The following IMMP2L variants were observed in gnomAD, a reference collection of about 807,000 sequenced individuals.
IMMP2L encodes inner mitochondrial membrane peptidase subunit 2.
Under a neutral mutation model 19.3 loss-of-function variants are expected in IMMP2L, and 18 were observed. The ratio of observed to expected loss-of-function variants is 0.93; its 90% CI spans 0.64 to 1.38. The LOEUF (loss-of-function observed/expected upper bound fraction) is 1.38, where lower values mean the gene tolerates loss of function less well. Among genes scored for constraint, IMMP2L ranks in the 40% most tolerant of loss-of-function variants. The pLI is 0.00. For missense variants in IMMP2L, 233 were observed against 218.2 expected, an observed-to-expected ratio of 1.07 and a Z score of -0.43; for synonymous variants, 76 against 73.0, an observed-to-expected ratio of 1.04 and a Z score of -0.21.
intron 3 of IMMP2L, among the ~76,000 whole-genome samples, chr7:111,467,539 T>C (rs943164064): frequency 7.9e-5 from 12 of 152,152 alleles, no homozygotes; most frequent in Admixed American, 3.3e-4. Flanking sequence ...GGTATGTATA[T>C]TGAAAACAAT....
At chr7:111,322,966 C>T (rs1370167318) in intron 3 of IMMP2L, among the ~76,000 whole-genome samples, 1 of 151,396 alleles carries the variant, frequency 6.6e-6, no homozygotes, top group Non-Finnish European at 1.5e-5. Flanking sequence ...GGTGAATGCA[C>T]CTTTGTTTTA....
At chr7:111,349,356 C>G (rs1415246538) in intron 3 of IMMP2L, among the ~76,000 whole-genome samples, 4 of 152,050 alleles carry the variant, frequency 2.6e-5, no homozygotes, top group Non-Finnish European at 4.4e-5. Context: ...ATTGTTTCCA[C>G]TCCCCCAAGA....
chr7:111,237,236 G>C (rs1814437787), intron 3 of IMMP2L, among the ~76,000 whole-genome samples: 1 of 152,002 alleles, frequency 6.6e-6, no homozygotes. Flanking sequence ...AATTAGAAAA[G>C]ATAATTCAGT....
intron 3 of IMMP2L, among the ~76,000 whole-genome samples, chr7:111,362,435 T>G (rs1198192388): frequency 6.6e-6 from 1 of 152,096 alleles, no homozygotes; most frequent in Non-Finnish European, 1.5e-5. Flanking sequence ...GGCCTCTGAA[T>G]GAATGTTACT....
intron 3 of IMMP2L, among the ~76,000 whole-genome samples, chr7:111,206,860 A>G (rs1810764688): frequency 6.6e-6 from 1 of 152,188 alleles, no homozygotes; most frequent in African/African-American, 2.4e-5. Flanking sequence ...AATAAGCCTC[A>G]TCAGGGGAGA....
At chr7:111,390,106 A>C (rs1351272207) in intron 3 of IMMP2L, among the ~76,000 whole-genome samples, 2 of 152,152 alleles carry the variant, frequency 1.3e-5, no homozygotes, top group Non-Finnish European at 2.9e-5. Flanking sequence ...CTCATGGCCC[A>C]TATATGGGCA....
intron 3 of IMMP2L, among the ~76,000 whole-genome samples, chr7:111,382,232 A>G (rs1038591090): frequency 2.6e-5 from 4 of 152,044 alleles, no homozygotes; most frequent in Non-Finnish European, 4.4e-5. Flanking sequence ...AAAAATTCAT[A>G]AAGAGTAGAA....
intron 2 of IMMP2L, among the ~76,000 whole-genome samples, chr7:111,502,201 C>T (rs1344446097): frequency 6.6e-6 from 1 of 151,774 alleles, no homozygotes; most frequent in Non-Finnish European, 1.5e-5. Context: ...TTTAAACCAA[C>T]AAAGATCAAA....
chr7:111,102,202 C>A (rs1397808177), intron 3 of IMMP2L, among the ~76,000 whole-genome samples: 1 of 151,504 alleles, frequency 6.6e-6, no homozygotes, highest in Non-Finnish European at 1.5e-5. Flanking sequence ...CCAGGTGATT[C>A]AATCCTTACC....
intron 3 of IMMP2L, among the ~76,000 whole-genome samples, chr7:111,144,877 T>C (rs1803301876): frequency 1.3e-5 from 2 of 152,154 alleles, no homozygotes; most frequent in Non-Finnish European, 2.9e-5. Flanking sequence ...TCATTAAATA[T>C]ATAAATACAA....
At chr7:110,857,135 A>G (rs1269623102) in intron 5 of IMMP2L, among the ~76,000 whole-genome samples, 2 of 152,038 alleles carry the variant, frequency 1.3e-5, no homozygotes, top group African/African-American at 4.8e-5. Context: ...TTCTCTAAGG[A>G]TTTTCAAACA....
At chr7:110,726,919 G>A (rs1481684667) in intron 5 of IMMP2L, among the ~76,000 whole-genome samples, 1 of 152,180 alleles carries the variant, frequency 6.6e-6, no homozygotes, top group East Asian at 1.9e-4. Flanking sequence ...GAGTCAGAAT[G>A]GGGTCACATC....
chr7:111,227,851 G>A (rs1398017703), intron 3 of IMMP2L, among the ~76,000 whole-genome samples: 1 of 152,072 alleles, frequency 6.6e-6, no homozygotes, highest in Non-Finnish European at 1.5e-5. Flanking sequence ...CCATTTTAAA[G>A]TTAATCCAGA....
chr7:111,352,400 G>T (rs1382117540), intron 3 of IMMP2L, among the ~76,000 whole-genome samples: 25 of 148,366 alleles, frequency 1.7e-4, no homozygotes, highest in South Asian at 4.3e-4. Context: ...ATAGAGATGG[G>T]GTATCACTGT....
intron 4 of IMMP2L, among the ~76,000 whole-genome samples, chr7:110,949,793 T>C (rs1328783267): frequency 2.6e-5 from 4 of 152,088 alleles, no homozygotes; most frequent in African/African-American, 9.7e-5. Context: ...CGTCGCAATA[T>C]GCAGGAAGAA....
rs969034432 is a variant in IMMP2L at position 111,499,961 on chromosome 7, G to C, written c.136-12620C>G. Among the ~76,000 whole-genome samples the C allele has an allele frequency of 2.0e-5, 3 of 152,274 alleles. No homozygotes were observed. The South Asian group carries it at 6.2e-4, about 32-fold the overall frequency. ...AGGGAGTGCCAGACAGCAGGTGCAG[G>C]ACAGTGGGTGCAGAGCACCAGGCAC... On this transcript the variant is annotated intron_variant, in intron 2 of 5. Coordinates refer to ENST00000405709, the MANE Select transcript of IMMP2L (RefSeq NM_032549.4).
intron 5 of IMMP2L, among the ~76,000 whole-genome samples, chr7:110,860,210 A>G (rs1196918008): frequency 8.5e-5 from 13 of 152,158 alleles, no homozygotes; most frequent in African/African-American, 2.2e-4. Context: ...AGAGGAAAAT[A>G]CAAGATAATT....
chr7:110,780,847 G>T (rs116116909), intron 5 of IMMP2L, among the ~76,000 whole-genome samples: 1,677 of 151,928 alleles, frequency 0.011, 29 homozygotes, highest in African/African-American at 0.039. Context: ...CCAGCCTTTT[G>T]CTTCAGAGTG....
rs539103554 is a variant in IMMP2L, at chr7:111,108,966, A to C, written c.240-145401T>G. Among the ~76,000 whole-genome samples, 21 of 152,346 alleles carry C rather than the reference A, an allele frequency of 1.4e-4. No homozygotes were observed. The South Asian group carries it at 4.4e-3, about 32-fold the overall frequency. On this transcript the variant is annotated intron_variant, in intron 3 of 5. Transcript: ENST00000405709. ...AGATCCATAGCTCTGAATAAAACGGAAACAACTTTAATAAAGCTAACATTC... is the reference window on the plus strand; with the variant it reads ...AGATCCATAGCTCTGAATAAAACGGCAACAACTTTAATAAAGCTAACATTC...
Sources: allele counts gnomAD v4.1 joint callset (sites outside exome capture counted in the v4.1 genomes callset), GRCh38; gene constraint gnomAD v4.1.1; transcripts MANE v1.5; gene names NCBI Gene and HGNC (gene_info 2026-07-23, HGNC 2026-07-21).